The following ANK3 variants were observed in gnomAD, a reference collection of about 807,000 sequenced individuals.
The protein encoded by ANK3 is ankyrin 3.
In ANK3, 57 loss-of-function variants were observed where a neutral mutation model predicts 370.9. That is an observed-to-expected ratio of 0.15 (90% CI 0.12 to 0.19). The LOEUF is 0.19. ANK3 is among the 10% of genes least tolerant of loss of function. The pLI is 1.00. For synonymous variants in ANK3, 1,929 were observed against 1,946.3 expected, an observed-to-expected ratio of 0.99 and a Z score of 0.23; for missense variants, 4,439 against 5,302.1, an observed-to-expected ratio of 0.84 and a Z score of 5.06.
intron 25 of ANK3, among the ~76,000 whole-genome samples, chr10:60,115,945 A>C (rs1199380198): frequency 6.6e-6 from 1 of 152,194 alleles, no homozygotes; most frequent in Non-Finnish European, 1.5e-5. Context: ...TCTGCTGCCT[A>C]CTGAAACCTC....
chr10:60,205,831 G>A lies in ANK3; in HGVS notation c.1254C>T (p.Leu418=). The A allele has an allele frequency of 6.2e-7, 1 of 1,614,038 alleles. No individual in the cohort carries two copies. The highest frequency in any genetic ancestry group is 8.5e-7 in the Non-Finnish European group (1 of 1,179,910). The part of the protein sequence containing the change: ...CKKNRIKVME[L]LLKHGASIQA... ...GGATGGATGCACCGTGTTTCAGAAG[G>A]AGTTCCATTACTTTAATTCGATTCT... is the stretch of plus-strand genomic sequence containing the variant. Residue 418 remains leucine (L), a synonymous_variant, in exon 11 of 44, where the codon CTC becomes CTT. Coordinates refer to ENST00000280772, the MANE Select transcript of ANK3 (RefSeq NM_020987.5).
chr10:60,237,909 T>C (rs908776752), intron 7 of ANK3, among the ~76,000 whole-genome samples: 1 of 152,184 alleles, frequency 6.6e-6, no homozygotes, highest in Non-Finnish European at 1.5e-5. Flanking sequence ...ACTGGTAATT[T>C]GCAGATTAAG....
chr10:60,213,133 A>G (rs958466266), intron 9 of ANK3, among the ~76,000 whole-genome samples: 5 of 152,130 alleles, frequency 3.3e-5, no homozygotes, highest in Non-Finnish European at 7.4e-5. Context: ...ACAAGCAATT[A>G]TTTCTGAGCT....
chr10:60,732,777 C>T (rs2080042426), intron 1 of ANK3, among the ~76,000 whole-genome samples: 1 of 151,648 alleles, frequency 6.6e-6, no homozygotes, highest in Non-Finnish European at 1.5e-5. Context: ...AGGTGATTTC[C>T]GAACCAGGTG....
At chr10:60,339,730 T>C (rs530752800) in intron 1 of ANK3, among the ~76,000 whole-genome samples, 6 of 152,248 alleles carry the variant, frequency 3.9e-5, no homozygotes, top group Non-Finnish European at 7.4e-5. Context: ...CAGGGCAGGA[T>C]TGAGGCTTTT....
At chr10:60,629,773 A>G (rs2078457829) in intron 1 of ANK3, among the ~76,000 whole-genome samples, 1 of 152,208 alleles carries the variant, frequency 6.6e-6, no homozygotes, top group South Asian at 2.1e-4. Flanking sequence ...TGGTATTTAA[A>G]GAATCTACAT....
intron 21 of ANK3, among the ~76,000 whole-genome samples, chr10:60,169,364 G>GT (rs71015773): frequency 0.059 from 3,042 of 51,808 alleles, 95 homozygotes; most frequent in Non-Finnish European, 0.089. Context: ...TTGTCTCATA[G>GT]TTTTTTTTTT....
In ANK3 at chr10:60,055,675, T is replaced by C. The variant is rs1431925018; in HGVS notation, c.13048A>G (p.Ser4350Gly). The change falls in exon 42 of 44, where the codon AGT (serine) becomes GGT (glycine). Residue 4350 changes from serine (S) to glycine (G), a missense_variant. Physicochemically the swap from Ser to Gly is moderately conservative, Grantham distance 56. Around this residue, in one of 13 missense-constraint regions of ANK3, gnomAD observed 242 missense variants for 228.0 expected, o/e 1.06. Transcript: ENST00000280772. The stretch of plus-strand genomic sequence containing the variant: ...TGACGTACCTTTTGCTCAGACCCAC[T>C]GGACCCCTCTTCTTCATGGAGGCTA... ...RLSLHEEEGSSGSEQKQGEGF... is the reference protein window; with the variant it reads ...RLSLHEEEGSGGSEQKQGEGF... 3.1e-6 allele frequency: 5 copies of C among 1,611,860 alleles called. No homozygotes were observed. Among genetic ancestry groups the C allele is most frequent in the East Asian group, 4.5e-5 (2 of 44,864 alleles).
In ANK3 at chr10:60,029,791, C is replaced by T. The variant is rs949715323; in HGVS notation, c.*55G>A. ...TTACTTCCTGCTGACATTTCTTCCA[C>T]GAATTTCTCAATACTGGCAGTAAAA... On this transcript the variant is annotated 3_prime_UTR_variant, in exon 44 of 44. Transcript: ENST00000280772. The T allele has an allele frequency of 9.3e-5, 14 of 149,812 alleles. No homozygotes were observed. Among genetic ancestry groups the T allele is most frequent in the Middle Eastern group, 3.3e-3 (1 of 306 alleles). The allele number at this position is 149,812 out of a possible 1,614,324, so 9.3% of individuals were successfully genotyped here.
chr10:60,180,214 T>C (rs968053272), intron 18 of ANK3, among the ~76,000 whole-genome samples: 1 of 152,228 alleles, frequency 6.6e-6, no homozygotes, highest in Non-Finnish European at 1.5e-5. Flanking sequence ...TATGCCCATA[T>C]ACCTCAGAAC....
chr10:60,107,865 T>G (rs1173500489), intron 27 of ANK3, among the ~76,000 whole-genome samples: 1 of 152,230 alleles, frequency 6.6e-6, no homozygotes, highest in Non-Finnish European at 1.5e-5. Context: ...TAAAGACTTT[T>G]GCTGTCTTAA....
chr10:60,181,231 T>G, intron 18 of ANK3, 98 bp downstream of exon 18: 1 of 1,058,462 alleles, frequency 9.4e-7, no homozygotes, highest in Non-Finnish European at 1.4e-6. Flanking sequence ...AAAGAGATGA[T>G]TAAAGGGTTT....
At chr10:60,316,418 C>A (rs938061354) in intron 1 of ANK3, among the ~76,000 whole-genome samples, 9 of 152,112 alleles carry the variant, frequency 5.9e-5, no homozygotes, top group African/African-American at 1.7e-4. Flanking sequence ...AGCTCTTAAT[C>A]TTGGGCTAGT....
chr10:60,728,105 T>A (rs900148640), intron 1 of ANK3, among the ~76,000 whole-genome samples: 6 of 152,192 alleles, frequency 3.9e-5, no homozygotes, highest in African/African-American at 7.2e-5. Context: ...ATGCTACAAA[T>A]CAGGGCTTTT....
intron 1 of ANK3, among the ~76,000 whole-genome samples, chr10:60,336,729 C>T (rs1277805020): frequency 6.6e-6 from 1 of 152,172 alleles, no homozygotes; most frequent in East Asian, 1.9e-4. Context: ...AAATGAATAG[C>T]CAGCATATCT....
At chr10:60,684,607 A>G in intron 1 of ANK3, 1 of 1,589,808 alleles carries the variant, frequency 6.3e-7, no homozygotes, top group South Asian at 1.1e-5. Context: ...TGGAAAGACA[A>G]CTGTCTTATA....
At chr10:60,712,828 G>A (rs1052809578) in intron 1 of ANK3, among the ~76,000 whole-genome samples, 7 of 152,066 alleles carry the variant, frequency 4.6e-5, no homozygotes, top group Admixed American at 2.0e-4. Flanking sequence ...TTCTTAAAAC[G>A]CTGACTTCAG....
rs1168959272 is a variant in ANK3 at position 60,072,083 on chromosome 10, T to A, written c.8798A>T (p.Tyr2933Phe). ...SPSKKVLYRE[Y>F]VVKEGDHPGG... ...TGGATGGTCCCCTTCTTTCACAACA[T>A]ATTCCCTATATAAGACTTTTTTGGA... Residue 2933 changes from tyrosine (Y) to phenylalanine (F), a missense_variant, in exon 37 of 44, where the codon TAT (tyrosine) becomes TTT (phenylalanine). By Grantham distance (22) the Tyr-to-Phe change is conservative (BLOSUM62 3). This residue lies in a region of ANK3 where 1,601 missense variants were observed against 1,731.7 expected (regional missense o/e 0.92). Coordinates refer to ENST00000280772, the MANE Select transcript of ANK3 (RefSeq NM_020987.5). 1.2e-6 allele frequency: 2 copies of A among 1,613,972 alleles called. No homozygotes were observed. Among genetic ancestry groups the A allele is most frequent in the Non-Finnish European group, 1.7e-6 (2 of 1,180,012 alleles).
intron 1 of ANK3, among the ~76,000 whole-genome samples, chr10:60,664,757 CTTCATGTCATATACAA>C (rs1369807089): frequency 6.6e-6 from 1 of 152,114 alleles, no homozygotes; most frequent in Non-Finnish European, 1.5e-5. Context: ...TAGATATTTG[CTTCATGTCATATACAA>C]TAATTCTCAA....
Sources: allele counts gnomAD v4.1 joint callset (sites outside exome capture counted in the v4.1 genomes callset), GRCh38; gene constraint gnomAD v4.1.1; regional missense constraint gnomAD v4.1.1; transcripts MANE v1.5; gene names NCBI Gene and HGNC (gene_info 2026-07-23, HGNC 2026-07-21).